The following ESRRG variants were observed in gnomAD, a reference collection of about 807,000 sequenced individuals.
ESRRG encodes the protein estrogen related receptor gamma, also known as estrogen-related receptor gamma.
A neutral mutation model predicts 44.0 loss-of-function variants in ESRRG; 13 were observed. That is an observed-to-expected ratio of 0.30 (90% CI 0.19 to 0.47). ESRRG has a LOEUF of 0.47. Ranked by LOEUF, ESRRG falls within the 20% of genes least tolerant of loss-of-function variation. The pLI, the probability that ESRRG is intolerant of heterozygous loss-of-function variation, is 1.00. For missense variants in ESRRG, 395 were observed against 580.6 expected (o/e 0.68, Z 3.29); for synonymous variants, 215 against 214.6 (o/e 1.00, Z -0.02).
Position 216,707,802 on chromosome 1 carries a change from AT to A in ESRRG, c.56+15441del, listed in dbSNP as rs2082742060. Among the ~76,000 whole-genome samples, 2 of 152,216 alleles carry A rather than the reference AT, an allele frequency of 1.3e-5. 1 individual carries two copies. The highest frequency in any genetic ancestry group is 4.1e-4 in the South Asian group (2 of 4,838). ...AAAACTGCAAAAGAACACATGTAAT[AT>A]TTTTTGATGCAATGTGAGACTATAA... On this transcript the variant is annotated intron_variant, in intron 1 of 6. Coordinates refer to ENST00000408911, the MANE Select transcript of ESRRG (RefSeq NM_001438.4).
chr1:217,054,410 T>A (rs2086684948), intron 1 of ESRRG, among the ~76,000 whole-genome samples: 1 of 152,208 alleles, frequency 6.6e-6, no homozygotes, highest in Non-Finnish European at 1.5e-5. Context: ...CAGAAACGTC[T>A]TGGAAATGTC....
chr1:216,930,188 A>G (rs1034529212), intron 2 of ESRRG, among the ~76,000 whole-genome samples: 6 of 151,818 alleles, frequency 4.0e-5, no homozygotes, highest in African/African-American at 1.5e-4. Context: ...TGCATCTTTA[A>G]TCTCCCTTCT....
At chr1:216,556,644 G>A (rs887892945) in intron 5 of ESRRG, among the ~76,000 whole-genome samples, 3 of 151,940 alleles carry the variant, frequency 2.0e-5, no homozygotes, top group Non-Finnish European at 4.4e-5. Context: ...TTCATGATGG[G>A]GTCCTTGCAG....
chr1:216,675,003 A>C (rs2075842010), intron 2 of ESRRG, among the ~76,000 whole-genome samples: 1 of 152,182 alleles, frequency 6.6e-6, no homozygotes, highest in South Asian at 2.1e-4. Flanking sequence ...CAGTACAAGT[A>C]AGGATTGTCA....
At chr1:216,960,726 T>C (rs2068873528) in intron 1 of ESRRG, among the ~76,000 whole-genome samples, 2 of 152,014 alleles carry the variant, frequency 1.3e-5, no homozygotes, top group Admixed American at 1.3e-4. Context: ...GCTGGGACTA[T>C]AGGTGCATGC....
intron 2 of ESRRG, among the ~76,000 whole-genome samples, chr1:216,667,963 G>T (rs1303031094): frequency 6.6e-6 from 1 of 151,326 alleles, no homozygotes; most frequent in Non-Finnish European, 1.5e-5. Context: ...CAGGTGTAGT[G>T]GCTGGCACCT....
chr1:217,015,658 G>A (rs1161758958), intron 1 of ESRRG, among the ~76,000 whole-genome samples: 3 of 151,772 alleles, frequency 2.0e-5, no homozygotes, highest in South Asian at 2.1e-4. Context: ...TCTTAATTAC[G>A]TATGGCAAGC....
chr1:216,668,028 C>T (rs2074348006), intron 2 of ESRRG, among the ~76,000 whole-genome samples: 2 of 151,640 alleles, frequency 1.3e-5, no homozygotes, highest in Admixed American at 6.6e-5. Flanking sequence ...ACTCAGGAGG[C>T]GGAGGTTGCA....
intron 3 of ESRRG, among the ~76,000 whole-genome samples, chr1:216,649,534 A>G (rs949741799): frequency 2.0e-5 from 3 of 151,954 alleles, no homozygotes; most frequent in African/African-American, 7.2e-5. Flanking sequence ...ACTCTCATAC[A>G]TACACACACA....
In ESRRG at chr1:216,506,843, A is replaced by G; in HGVS notation, c.*96T>C. The G allele has an allele frequency of 7.3e-7, 1 of 1,378,068 alleles. No homozygotes were observed. The highest frequency in any genetic ancestry group is 1.4e-5 in the South Asian group (1 of 71,424). The allele number at this position is 1,378,068 out of a possible 1,614,324, so 85.4% of individuals were successfully genotyped here. On this transcript the variant is annotated 3_prime_UTR_variant, in exon 7 of 7. Transcript: ENST00000408911. ...TATCAGTGCAGTCTGTTGATTTTTG[A>G]TGTTGTTAACTAAACTCTAAGTTTC...
chr1:216,698,894 G>A (rs1037598929), intron 1 of ESRRG, among the ~76,000 whole-genome samples: 1 of 152,090 alleles, frequency 6.6e-6, no homozygotes, highest in African/African-American at 2.4e-5. Context: ...CCTAGCCTAC[G>A]CCCACATGTA....
chr1:216,740,454 G>C (rs372239515), intron 2 of ESRRG, among the ~76,000 whole-genome samples: 1 of 151,908 alleles, frequency 6.6e-6, no homozygotes, highest in African/African-American at 2.4e-5. Context: ...AATTTTACAA[G>C]AGAGCCCCAG....
At chr1:217,044,000 A>G (rs992901929) in intron 1 of ESRRG, among the ~76,000 whole-genome samples, 1 of 152,168 alleles carries the variant, frequency 6.6e-6, no homozygotes, top group Admixed American at 6.6e-5. Flanking sequence ...TAGGAATAAT[A>G]TAGCCAAAGG....
At chr1:217,130,561 C>A (rs2092951221) in intron 1 of ESRRG, among the ~76,000 whole-genome samples, 1 of 152,162 alleles carries the variant, frequency 6.6e-6, no homozygotes. Context: ...CCTGATGTTA[C>A]ATCTCCACTT....
At chr1:216,550,260 T>C (rs1437342786) in intron 5 of ESRRG, among the ~76,000 whole-genome samples, 1 of 152,124 alleles carries the variant, frequency 6.6e-6, no homozygotes, top group Non-Finnish European at 1.5e-5. Context: ...AAATTGACTG[T>C]TGGTTCTGAT....
At chr1:216,834,671 CA>C (rs1395594180) in intron 2 of ESRRG, among the ~76,000 whole-genome samples, 1 of 152,050 alleles carries the variant, frequency 6.6e-6, no homozygotes, top group African/African-American at 2.4e-5. Flanking sequence ...AAAGACAGGT[CA>C]AGACTGGAAT....
intron 5 of ESRRG, among the ~76,000 whole-genome samples, chr1:216,530,527 T>G (rs1212174979): frequency 6.6e-6 from 1 of 152,142 alleles, no homozygotes; most frequent in Non-Finnish European, 1.5e-5. Flanking sequence ...AAGATCTTTG[T>G]GTAACTGTTT....
chr1:216,947,631 C>A (rs1273590206), intron 1 of ESRRG, among the ~76,000 whole-genome samples: 3 of 152,112 alleles, frequency 2.0e-5, no homozygotes, highest in African/African-American at 7.2e-5. Flanking sequence ...GGTTTTATTC[C>A]CCCTGGAAGA....
At chr1:217,130,484 C>T (rs2092949965) in intron 1 of ESRRG, among the ~76,000 whole-genome samples, 1 of 152,140 alleles carries the variant, frequency 6.6e-6, no homozygotes, top group Non-Finnish European at 1.5e-5. Flanking sequence ...AATTCTCTCT[C>T]CTGGGCCTCC....
Sources: gnomAD v4.1 joint callset for allele counts (sites outside exome capture counted in the v4.1 genomes callset) on GRCh38, gnomAD v4.1.1 for gene constraint, MANE v1.5 for transcripts, NCBI Gene and HGNC (gene_info 2026-07-23, HGNC 2026-07-21) for gene names.